C8orf34: variants seen among roughly 807,000 people sequenced by gnomAD.
The protein encoded by C8orf34 is uncharacterized protein C8orf34.
C8orf34 carries 65 observed loss-of-function variants against 68.3 expected under a neutral mutation model. The ratio of observed to expected loss-of-function variants is 0.95; its 90% CI spans 0.78 to 1.17. The LOEUF (loss-of-function observed/expected upper bound fraction) is 1.17, where lower values mean the gene tolerates loss of function less well. Among genes scored for constraint, C8orf34 ranks in the 50% most tolerant of loss-of-function variants. The pLI is 0.00. For missense variants in C8orf34, 664 were observed against 655.4 expected, an observed-to-expected ratio of 1.01 and a Z score of -0.14; for synonymous variants, 244 against 241.2, an observed-to-expected ratio of 1.01 and a Z score of -0.11.
intron 1 of C8orf34, among the ~76,000 whole-genome samples, chr8:68,423,873 CAG>C (rs906289352): frequency 5.3e-4 from 81 of 152,128 alleles, no homozygotes; most frequent in African/African-American, 1.9e-3. Flanking sequence ...TGAGTGGAAA[CAG>C]GGGCAATGCC....
At chr8:68,755,861 A>G (rs544585556) in intron 10 of C8orf34, among the ~76,000 whole-genome samples, 13 of 151,974 alleles carry the variant, frequency 8.6e-5, no homozygotes, top group African/African-American at 3.1e-4. Context: ...GGAGGTCGAG[A>G]CCATCCTGGC....
At chr8:68,406,467 T>A (rs1340852160) in intron 1 of C8orf34, among the ~76,000 whole-genome samples, 1 of 151,984 alleles carries the variant, frequency 6.6e-6, no homozygotes, top group African/African-American at 2.4e-5. Flanking sequence ...TTCTCTTTTT[T>A]AAATTTTTAT....
At chr8:68,696,176 A>G (rs944971075) in intron 8 of C8orf34, among the ~76,000 whole-genome samples, 1 of 150,574 alleles carries the variant, frequency 6.6e-6, no homozygotes, top group Admixed American at 6.7e-5. Flanking sequence ...GGGGAGAAAA[A>G]AAAAGACACT....
At chr8:68,626,749 A>C (rs1370762335) in intron 7 of C8orf34, among the ~76,000 whole-genome samples, 1 of 152,188 alleles carries the variant, frequency 6.6e-6, no homozygotes, top group Admixed American at 6.5e-5. Flanking sequence ...GTAGAAGTGT[A>C]AAAATTCTAT....
intron 8 of C8orf34, among the ~76,000 whole-genome samples, chr8:68,685,512 C>G (rs1278502324): frequency 6.6e-6 from 1 of 152,088 alleles, no homozygotes; most frequent in Non-Finnish European, 1.5e-5. Flanking sequence ...ATGTAATACT[C>G]AAACAATTTC....
intron 1 of C8orf34, among the ~76,000 whole-genome samples, chr8:68,404,967 A>G (rs562248489): frequency 5.9e-5 from 9 of 152,252 alleles, no homozygotes; most frequent in South Asian, 2.1e-4. Flanking sequence ...CAGTATGGCC[A>G]TTTTCACAAT....
intron 3 of C8orf34, among the ~76,000 whole-genome samples, chr8:68,449,455 C>G (rs1811254843): frequency 6.6e-6 from 1 of 151,968 alleles, no homozygotes; most frequent in African/African-American, 2.4e-5. Flanking sequence ...TCCTACCAGC[C>G]CCTGGCAACC....
chr8:68,784,031 T>C (rs1424624399), intron 11 of C8orf34, among the ~76,000 whole-genome samples: 1 of 152,194 alleles, frequency 6.6e-6, no homozygotes, highest in Middle Eastern at 3.2e-3. Context: ...AACAGACCAG[T>C]ATTGATACAT....
intron 7 of C8orf34, among the ~76,000 whole-genome samples, chr8:68,602,485 A>G (rs960858168): frequency 1.3e-5 from 2 of 152,012 alleles, no homozygotes; most frequent in Admixed American, 1.3e-4. Flanking sequence ...CCCTTATAAA[A>G]CCATCAGATC....
chr8:68,787,307 G>T (rs770835153), intron 11 of C8orf34, 136 bp from the exon 12 acceptor site: 78 of 527,506 alleles, frequency 1.5e-4, no homozygotes, highest in Non-Finnish European at 2.3e-4. Flanking sequence ...TAAAGTTAGA[G>T]CTCTCCTTTT....
intron 1 of C8orf34, among the ~76,000 whole-genome samples, chr8:68,353,998 A>G (rs377615136): frequency 6.6e-6 from 1 of 152,038 alleles, no homozygotes; most frequent in Admixed American, 6.6e-5. Context: ...TATCAAAACA[A>G]GATGTCTATA....
At position 68,692,516 on chromosome 8, in the gene C8orf34, G is replaced by A. The variant is rs567830863; in HGVS notation, c.1242-16478G>A. On this transcript the variant is annotated intron_variant, in intron 8 of 13. Coordinates refer to ENST00000518698, the MANE Select transcript of C8orf34 (RefSeq NM_052958.4). Reference sequence around the variant, plus strand: ...GTGGCTTTGAATTCCAGCTTATATAGTGTCTTCAACAAAGAATGACACATT... The same window carrying A: ...GTGGCTTTGAATTCCAGCTTATATAATGTCTTCAACAAAGAATGACACATT... Among the ~76,000 whole-genome samples, 15 of 151,988 alleles carry A rather than the reference G, an allele frequency of 9.9e-5. No individual in the cohort carries two copies. The South Asian group carries it at 2.9e-3, about 29-fold the overall frequency.
In C8orf34 at chr8:68,341,233, G is replaced by A. The variant is rs78524470; in HGVS notation, c.327+9894G>A. 7.8e-3 allele frequency among the ~76,000 whole-genome samples: 1,193 copies of A among 152,176 alleles called. 18 individuals carry two copies. The highest frequency in any genetic ancestry group is 0.026 in the African/African-American group (1,098 of 41,496). On this transcript the variant is annotated intron_variant, in intron 1 of 13. Transcript: ENST00000518698. ...TGGAAAGGGCAAAGGAGCTCTCTTG[G>A]GACTCTTCTAAGGATGCCAATCCCG...
At chr8:68,706,091 A>AGACTTGC (rs1358817617) in intron 8 of C8orf34, among the ~76,000 whole-genome samples, 4 of 152,220 alleles carry the variant, frequency 2.6e-5, no homozygotes, top group Non-Finnish European at 5.9e-5. Context: ...GAATGGAAAA[A>AGACTTGC]AGAAAGACAA....
intron 10 of C8orf34, among the ~76,000 whole-genome samples, chr8:68,756,905 A>G (rs1172168885): frequency 6.6e-6 from 1 of 152,212 alleles, no homozygotes; most frequent in Admixed American, 6.5e-5. Flanking sequence ...TAAAGATGAA[A>G]GAGAACTCTT....
intron 7 of C8orf34, among the ~76,000 whole-genome samples, chr8:68,543,621 C>T (rs1815772214): frequency 6.6e-6 from 1 of 152,162 alleles, no homozygotes; most frequent in South Asian, 2.1e-4. Flanking sequence ...ACCCAGATTA[C>T]ATAGTTGGTA....
intron 7 of C8orf34, among the ~76,000 whole-genome samples, chr8:68,592,638 G>A (rs1048621469): frequency 9.1e-6 from 1 of 110,268 alleles, no homozygotes; most frequent in African/African-American, 3.6e-5. Flanking sequence ...GTCTCGCTCT[G>A]TCGCCCAGGC....
At position 68,794,474 on chromosome 8, in the gene C8orf34, TAA is replaced by T. The variant is rs1824108137; in HGVS notation, c.1549+6940_1549+6941del. 2.5e-4 allele frequency among the ~76,000 whole-genome samples: 28 copies of T among 111,242 alleles called. 2 individuals are homozygous for T. The highest frequency in any genetic ancestry group is 1.1e-3 in the African/African-American group (24 of 22,192). The allele number at this position is 111,242 out of a possible 152,430, so 73.0% of individuals were successfully genotyped here. On this transcript the variant is annotated intron_variant, in intron 12 of 13. Coordinates refer to ENST00000518698, the MANE Select transcript of C8orf34 (RefSeq NM_052958.4). ...GGCATGAATCATTGTGCCCAGTATA[TAA>T]ATATAAATATATATATATATATATA... is the stretch of plus-strand genomic sequence containing the variant.
intron 7 of C8orf34, chr8:68,533,861 C>A (rs1269553055): frequency 1.0e-6 from 1 of 974,074 alleles, no homozygotes; most frequent in East Asian, 1.1e-4. Flanking sequence ...ACATATAAAA[C>A]AATGAGTTTT....
Sources: allele counts gnomAD v4.1 joint callset (sites outside exome capture counted in the v4.1 genomes callset), GRCh38; gene constraint gnomAD v4.1.1; transcripts MANE v1.5; gene names NCBI Gene and HGNC (gene_info 2026-07-23, HGNC 2026-07-21).